METTL8: variants seen among roughly 807,000 people sequenced by gnomAD.
METTL8 encodes methyltransferase 8, tRNA N3-cytidine, also known as tRNA N(3)-cytidine methyltransferase METTL8, mitochondrial.
Under a neutral mutation model 48.7 loss-of-function variants are expected in METTL8, and 32 were observed. That is an observed-to-expected ratio of 0.66 (90% CI 0.50 to 0.88). The LOEUF (loss-of-function observed/expected upper bound fraction) is 0.88, where lower values mean the gene tolerates loss of function less well. Ranked by LOEUF, METTL8 falls within the 40% of genes least tolerant of loss-of-function variation. The probability of loss-of-function intolerance (pLI) is 0.00; values close to 1 mark genes in which losing one functional copy is unlikely to be tolerated. For missense variants in METTL8, 464 were observed against 474.4 expected (o/e 0.98, Z 0.20); for synonymous variants, 136 against 157.1 (o/e 0.87, Z 1.01).
intron 7 of METTL8, chr2:171,326,403 G>A: frequency 2.6e-6 from 1 of 384,884 alleles, no homozygotes; most frequent in South Asian, 6.2e-5. Flanking sequence ...ACTTCACAGA[G>A]CTTGACGTAT....
chr2:171,433,505 T>A (rs1221509886), intron 1 of METTL8, among the ~76,000 whole-genome samples: 1 of 152,196 alleles, frequency 6.6e-6, no homozygotes, highest in Non-Finnish European at 1.5e-5. Flanking sequence ...ACACATGTGG[T>A]GCAAGCTTGC....
intron 1 of METTL8, among the ~76,000 whole-genome samples, chr2:171,406,177 G>A (rs908274028): frequency 3.0e-4 from 45 of 152,142 alleles, no homozygotes; most frequent in African/African-American, 1.0e-3. Context: ...TATACCTCTG[G>A]GCATAGTGAT....
intron 2 of METTL8, among the ~76,000 whole-genome samples, chr2:171,369,032 G>A (rs768259693): frequency 1.3e-5 from 2 of 151,832 alleles, no homozygotes; most frequent in East Asian, 1.9e-4. Context: ...CCAGCCAGGC[G>A]CGGTGGCTCA....
rs1220142458 is a variant in METTL8 at position 171,322,322 on chromosome 2, G to A, written c.*1850C>T. Reference sequence around the variant, plus strand: ...TTTAAGAATTCTCTTGGGTATGACAGTTGTCTTAAACAGAGCTTACCACTG... The same window carrying A: ...TTTAAGAATTCTCTTGGGTATGACAATTGTCTTAAACAGAGCTTACCACTG... On this transcript the variant is annotated 3_prime_UTR_variant, in exon 10 of 10. Transcript: ENST00000375258. The A allele has an allele frequency of 6.6e-6, 1 of 152,082 alleles. No individual in the cohort carries two copies. Among genetic ancestry groups the A allele is most frequent in the Non-Finnish European group, 1.5e-5 (1 of 68,036 alleles). The allele number at this position is 152,082 out of a possible 1,614,324, so 9.4% of individuals were successfully genotyped here.
At chr2:171,413,477 A>AT (rs1357509718) in intron 1 of METTL8, among the ~76,000 whole-genome samples, 3 of 152,190 alleles carry the variant, frequency 2.0e-5, no homozygotes, top group South Asian at 2.1e-4. Flanking sequence ...TTTGGAAAAT[A>AT]TTTTTTATAA....
chr2:171,384,719 C>T (rs955774037), intron 2 of METTL8, among the ~76,000 whole-genome samples: 3 of 151,644 alleles, frequency 2.0e-5, no homozygotes, highest in African/African-American at 7.3e-5. Context: ...GTAATCTCAG[C>T]TACTTGGGGG....
intron 2 of METTL8, among the ~76,000 whole-genome samples, chr2:171,365,961 T>C (rs928079521): frequency 1.3e-5 from 2 of 152,150 alleles, no homozygotes; most frequent in Non-Finnish European, 2.9e-5. Flanking sequence ...GGCAGTTTCA[T>C]GAGTTGAGAA....
chr2:171,331,590 T>A (rs28705388), intron 6 of METTL8, among the ~76,000 whole-genome samples: 10 of 152,030 alleles, frequency 6.6e-5, no homozygotes, highest in African/African-American at 1.9e-4. Flanking sequence ...CTAATTTTTT[T>A]ATTTTTAGTA....
intron 1 of METTL8, among the ~76,000 whole-genome samples, chr2:171,413,475 A>T (rs997618528): frequency 6.6e-6 from 1 of 152,214 alleles, no homozygotes; most frequent in African/African-American, 2.4e-5. Flanking sequence ...CTTTTGGAAA[A>T]TATTTTTTAT....
intron 3 of METTL8, among the ~76,000 whole-genome samples, chr2:171,357,238 C>T (rs910425139): frequency 3.3e-5 from 5 of 152,036 alleles, no homozygotes; most frequent in South Asian, 2.1e-4. Flanking sequence ...GGATTACAGG[C>T]GTAAGCCCCT....
intron 1 of METTL8, among the ~76,000 whole-genome samples, chr2:171,401,381 A>G (rs1689622931): frequency 1.3e-5 from 2 of 152,126 alleles, no homozygotes; most frequent in African/African-American, 4.8e-5. Context: ...CTTTCTTTGG[A>G]TGATTATAAT....
At position 171,324,358 on chromosome 2, in the gene METTL8, T is replaced by C. The variant is rs774392928; in HGVS notation, c.1038A>G (p.Glu346=). The part of the protein sequence containing the change: ...GTRAYFFTKG[E]VHSMFCKASL... ...TGGCTTTGCAGAACATACTGTGGAC[T>C]TCCCCTGTGAGACAAAAATGGCAAT... Residue 346 remains glutamate, a synonymous_variant, in exon 10 of 10, where the codon GAA becomes GAG. Coordinates refer to ENST00000375258, the MANE Select transcript of METTL8 (RefSeq NM_001321154.2). 34 of 1,550,928 alleles carry C rather than the reference T, an allele frequency of 2.2e-5. 2 individuals are homozygous for C. The South Asian group carries it at 4.0e-4, about 18-fold the overall frequency.
chr2:171,417,168 T>C (rs1215056700), intron 1 of METTL8, among the ~76,000 whole-genome samples: 1 of 152,212 alleles, frequency 6.6e-6, no homozygotes, highest in African/African-American at 2.4e-5. Flanking sequence ...CTGTCAGGCT[T>C]TGTAGCTTTC....
At chr2:171,404,186 G>A (rs1282008565) in intron 1 of METTL8, among the ~76,000 whole-genome samples, 2 of 148,446 alleles carry the variant, frequency 1.3e-5, no homozygotes, top group South Asian at 2.1e-4. Context: ...TAAGTTATGT[G>A]AATATAGTCT....
chr2:171,434,138 G>T (rs985128609), upstream of METTL8: 3 of 343,586 alleles, frequency 8.7e-6, no homozygotes, highest in South Asian at 2.1e-5. Context: ...CAGCCTCCGC[G>T]GGCCGGAGGA....
At chr2:171,337,667 C>T (rs569147390) in intron 4 of METTL8, among the ~76,000 whole-genome samples, 165 bp from the exon 5 acceptor site, 1 of 152,002 alleles carries the variant, frequency 6.6e-6, no homozygotes, top group East Asian at 1.9e-4. Flanking sequence ...GGAATAAACA[C>T]TAAGAAATCT....
rs1481869840 is a variant in METTL8 at position 171,316,079 on chromosome 2, T to C, written c.*8093A>G. On this transcript the variant is annotated 3_prime_UTR_variant, in exon 10 of 10. Coordinates refer to ENST00000375258, the MANE Select transcript of METTL8 (RefSeq NM_001321154.2). ...GCTTCCTCGTGCACATGATCAGCTT[T>C]TGCACATGCTTGGAGGAAAAACAAC... 6.6e-6 allele frequency among the ~76,000 whole-genome samples: 1 copy of C among 152,236 alleles called. No homozygotes were observed. Among genetic ancestry groups the C allele is most frequent in the Non-Finnish European group, 1.5e-5 (1 of 68,036 alleles).
At chr2:171,434,181 G>T (rs1693560363), upstream of METTL8, 4 of 380,918 alleles carry the variant, frequency 1.1e-5, no homozygotes, top group South Asian at 7.6e-5. Context: ...GCAGGGCCGG[G>T]CAAGCCCTCG....
intron 1 of METTL8, among the ~76,000 whole-genome samples, chr2:171,399,962 G>C (rs1559176867): frequency 6.6e-6 from 1 of 151,848 alleles, no homozygotes; most frequent in Non-Finnish European, 1.5e-5. Context: ...AACATAGAGA[G>C]ACCTCATCTC....
Sources: gnomAD v4.1 joint callset for allele counts (sites outside exome capture counted in the v4.1 genomes callset) on GRCh38, gnomAD v4.1.1 for gene constraint, MANE v1.5 for transcripts, NCBI Gene and HGNC (gene_info 2026-07-23, HGNC 2026-07-21) for gene names.